The following RAD21 variants were observed in gnomAD, a reference collection of about 807,000 sequenced individuals.
RAD21 encodes double-strand-break repair protein rad21 homolog.
In RAD21, 18 loss-of-function variants were observed where a neutral mutation model predicts 71.5. The observed-to-expected ratio is 0.25, with a 90% CI of 0.17 to 0.37. The LOEUF is 0.37. Ranked by LOEUF, RAD21 falls within the 10% of genes least tolerant of loss-of-function variation. The pLI is 1.00. For synonymous variants in RAD21, 248 were observed against 254.0 expected, an observed-to-expected ratio of 0.98 and a Z score of 0.22; for missense variants, 493 against 769.1, an observed-to-expected ratio of 0.64 and a Z score of 4.25.
chr8:116,856,842 A>G, intron 6 of RAD21, 71 bp from the exon 7 acceptor site: 1 of 1,165,036 alleles, frequency 8.6e-7, no homozygotes, highest in Non-Finnish European at 1.2e-6. Context: ...AATCAATGGA[A>G]AAACAAAATT....
In RAD21 at chr8:116,854,360, G is replaced by A. The variant is rs1046539043; in HGVS notation, c.1046C>T (p.Thr349Ile). The A allele has an allele frequency of 5.0e-6, 8 of 1,613,672 alleles. No homozygotes were observed. Among genetic ancestry groups the A allele is most frequent in the Non-Finnish European group, 6.8e-6 (8 of 1,179,822 alleles). ...GGTGGGCGGTGCCAGATCCAAAGTA[G>A]TAACAATATCTGAATAATCACTAAG... ...AQLSDYSDIV[T>I]TLDLAPPTKK... Residue 349 changes from threonine to isoleucine, a missense_variant, in exon 9 of 14, where the codon ACT becomes ATT. Thr to Ile is a moderately conservative substitution (Grantham distance 89). This residue lies in a region of RAD21 where 42 missense variants were observed against 117.2 expected (regional missense o/e 0.36). Transcript: ENST00000297338.
chr8:116,854,486 A>T lies in RAD21; in HGVS notation c.938-18T>A. The T allele has an allele frequency of 8.8e-6, 14 of 1,586,322 alleles. No individual in the cohort carries two copies. The highest frequency in any genetic ancestry group is 1.2e-5 in the Non-Finnish European group (14 of 1,155,538). ...TTCTTTAACTGGAATGATAATAAAAAATAAGATCATTTTCCTGAGAGGCCA... is the reference window on the plus strand; with the variant it reads ...TTCTTTAACTGGAATGATAATAAAATATAAGATCATTTTCCTGAGAGGCCA... On this transcript the variant is annotated intron_variant, in intron 8 of 13. Coordinates refer to ENST00000297338, the MANE Select transcript of RAD21 (RefSeq NM_006265.3).
At chr8:116,852,301 C>A (rs1812366574) in intron 10 of RAD21, 4 of 646,858 alleles carry the variant, frequency 6.2e-6, no homozygotes, top group Non-Finnish European at 1.0e-5. Flanking sequence ...AAGGACAAGT[C>A]CTACCCTCAG....
Position 116,852,009 on chromosome 8 carries a change from G to A in RAD21, c.1409C>T (p.Pro470Leu), listed in dbSNP as rs1050162883. The stretch of plus-strand genomic sequence containing the variant: ...TCGCTTAACTCCCTGAGGTGGTGGT[G>A]GAGGCATAGCTGACTCATCTATGTT... The part of the protein sequence containing the change: ...RTNIDESAMP[P>L]PPPQGVKRKA... Residue 470 changes from proline (P) to leucine (L), a missense_variant, in exon 11 of 14, where the codon CCA becomes CTA. By Grantham distance (98) the Pro-to-Leu change is moderately conservative (BLOSUM62 -3). Coordinates refer to ENST00000297338, the MANE Select transcript of RAD21 (RefSeq NM_006265.3). The A allele has an allele frequency of 1.9e-6, 3 of 1,612,998 alleles. No individual in the cohort carries two copies. The highest frequency in any genetic ancestry group is 1.3e-5 in the African/African-American group (1 of 74,886).
intron 12 of RAD21, 152 bp from the exon 13 acceptor site, chr8:116,849,181 C>T (rs1812303750): frequency 1.9e-6 from 1 of 517,896 alleles, no homozygotes; most frequent in Non-Finnish European, 3.3e-6. Context: ...AATCACTTAG[C>T]ATTTAGAGTA....
chr8:116,855,799 C>A (rs1812449939), intron 8 of RAD21, among the ~76,000 whole-genome samples: 3 of 152,060 alleles, frequency 2.0e-5, no homozygotes, highest in Admixed American at 2.0e-4. Context: ...AAAAAGCTTT[C>A]CAATGTTTTC....
At chr8:116,861,153 C>T (rs776864998) in intron 4 of RAD21, among the ~76,000 whole-genome samples, 1 of 152,072 alleles carries the variant, frequency 6.6e-6, no homozygotes, top group Non-Finnish European at 1.5e-5. Context: ...TCATAACTTA[C>T]TCTAATTAGA....
At chr8:116,858,783 A>T (rs1812524215) in intron 4 of RAD21, among the ~76,000 whole-genome samples, 1 of 152,266 alleles carries the variant, frequency 6.6e-6, no homozygotes, top group Non-Finnish European at 1.5e-5. Flanking sequence ...TGCAACTTAC[A>T]GGCGGTGTAA....
intron 10 of RAD21, 152 bp downstream of exon 10, chr8:116,852,397 T>TA: frequency 1.1e-6 from 1 of 871,222 alleles, no homozygotes; most frequent in Non-Finnish European, 1.7e-6. Context: ...GCTTCATACT[T>TA]AAATAAGGCA....
intron 1 of RAD21, among the ~76,000 whole-genome samples, chr8:116,872,789 C>G (rs1458862840): frequency 6.6e-6 from 1 of 152,220 alleles, no homozygotes; most frequent in East Asian, 1.9e-4. Context: ...GGAGCTACCT[C>G]TTCAGGGGAG....
chr8:116,856,499 A>G (rs1439254801), intron 7 of RAD21, 147 bp downstream of exon 7: 22 of 1,228,024 alleles, frequency 1.8e-5, no homozygotes, highest in Non-Finnish European at 1.1e-6. Flanking sequence ...TTAAACATAG[A>G]ATCAGAACCA....
At chr8:116,862,015 A>C in intron 3 of RAD21, 75 bp from the exon 4 acceptor site, 1 of 1,133,784 alleles carries the variant, frequency 8.8e-7, no homozygotes, top group Non-Finnish European at 1.3e-6. Flanking sequence ...ATAAGTAGGT[A>C]TAACTTCCTA....
chr8:116,849,309 T>C (rs1188605990), intron 12 of RAD21: 6 of 333,582 alleles, frequency 1.8e-5, no homozygotes, highest in Non-Finnish European at 3.2e-5. Flanking sequence ...ACACACACTA[T>C]GTGGTCTGTG....
chr8:116,854,571 A>G (rs570744297), intron 8 of RAD21, 103 bp from the exon 9 acceptor site: 1 of 828,080 alleles, frequency 1.2e-6, no homozygotes, highest in Non-Finnish European at 1.9e-6. Flanking sequence ...TTCTACACAC[A>G]GACTCTAGCA....
At chr8:116,864,362 A>T (rs1454073400) in intron 2 of RAD21, among the ~76,000 whole-genome samples, 1 of 152,160 alleles carries the variant, frequency 6.6e-6, no homozygotes, top group East Asian at 1.9e-4. Context: ...TGTTATTTGT[A>T]AAAGAAAATG....
At chr8:116,866,169 C>T (rs1229877932) in intron 2 of RAD21, among the ~76,000 whole-genome samples, 1 of 151,838 alleles carries the variant, frequency 6.6e-6, no homozygotes, top group African/African-American at 2.4e-5. Context: ...TCCAGAGTGT[C>T]CTATAGCTGC....
At chr8:116,850,530 A>C in intron 12 of RAD21, 88 bp downstream of exon 12, 1 of 1,536,712 alleles carries the variant, frequency 6.5e-7, no homozygotes, top group Non-Finnish European at 8.8e-7. Flanking sequence ...TCTGATGCTC[A>C]GCATCAATTA....
At chr8:116,867,884 G>A (rs1812729357) in intron 1 of RAD21, among the ~76,000 whole-genome samples, 1 of 152,040 alleles carries the variant, frequency 6.6e-6, no homozygotes, top group Non-Finnish European at 1.5e-5. Flanking sequence ...TGTGTCTACA[G>A]ACTTTTATAC....
intron 11 of RAD21, chr8:116,851,733 A>ATT (rs1183948349): frequency 2.3e-6 from 1 of 435,170 alleles, no homozygotes; most frequent in Non-Finnish European, 4.1e-6. Flanking sequence ...AAGCAATACT[A>ATT]TTCAAAAAGA....
Sources: gnomAD v4.1 joint callset for allele counts (sites outside exome capture counted in the v4.1 genomes callset) on GRCh38, gnomAD v4.1.1 for gene constraint, gnomAD v4.1.1 regional missense constraint, MANE v1.5 for transcripts, NCBI Gene and HGNC (gene_info 2026-07-23, HGNC 2026-07-21) for gene names.